The following NLK variants were observed in gnomAD, a reference collection of about 807,000 sequenced individuals.
The protein encoded by NLK is serine/threonine-protein kinase NLK.
NLK carries 11 observed loss-of-function variants against 59.0 expected under a neutral mutation model. The ratio of observed to expected loss-of-function variants is 0.19; its 90% CI spans 0.12 to 0.31. The LOEUF is 0.31. Among genes scored for constraint, NLK ranks in the 10% least tolerant of loss-of-function variants. The pLI is 1.00. For missense variants in NLK, 410 were observed against 661.1 expected, an observed-to-expected ratio of 0.62 and a Z score of 4.16; for synonymous variants, 235 against 235.9, an observed-to-expected ratio of 1.00 and a Z score of 0.03.
intron 1 of NLK, among the ~76,000 whole-genome samples, chr17:28,086,695 A>G (rs953031392): frequency 2.0e-5 from 3 of 151,982 alleles, no homozygotes; most frequent in Admixed American, 2.0e-4. Context: ...ACTCCAGCAT[A>G]AGTCAGTATA....
At chr17:28,187,778 A>T (rs1272343630) in intron 8 of NLK, among the ~76,000 whole-genome samples, 1 of 152,200 alleles carries the variant, frequency 6.6e-6, no homozygotes, top group Non-Finnish European at 1.5e-5. Flanking sequence ...GGATTATCAC[A>T]CTTAATTAAA....
At chr17:28,087,677 G>T (rs1439576972) in intron 1 of NLK, among the ~76,000 whole-genome samples, 2 of 151,900 alleles carry the variant, frequency 1.3e-5, no homozygotes, top group African/African-American at 4.9e-5. Flanking sequence ...CAGGGATTGG[G>T]CTTTGAATGT....
At chr17:28,185,609 T>C (rs918461008) in intron 8 of NLK, among the ~76,000 whole-genome samples, 1 of 152,132 alleles carries the variant, frequency 6.6e-6, no homozygotes, top group South Asian at 2.1e-4. Context: ...AGTGCAGAGG[T>C]GTGATCTCAG....
At chr17:28,173,617 C>G (rs746807069) in intron 7 of NLK, among the ~76,000 whole-genome samples, 6 of 152,126 alleles carry the variant, frequency 3.9e-5, no homozygotes, top group Non-Finnish European at 7.4e-5. Flanking sequence ...GTTAAATAGC[C>G]CTCTGATGGT....
chr17:28,198,400 C>T (rs1909538952), downstream of NLK, among the ~76,000 whole-genome samples: 1 of 152,142 alleles, frequency 6.6e-6, no homozygotes, highest in South Asian at 2.1e-4. Flanking sequence ...CTCGGCTCAC[C>T]ACAATCTCCG....
intron 6 of NLK, among the ~76,000 whole-genome samples, chr17:28,169,150 T>A (rs1013455910): frequency 6.6e-6 from 1 of 152,154 alleles, no homozygotes; most frequent in Non-Finnish European, 1.5e-5. Context: ...CCTCCCAAAG[T>A]GCTGGGATTA....
At chr17:28,140,424 T>A (rs574321896) in intron 3 of NLK, among the ~76,000 whole-genome samples, 37 of 152,302 alleles carry the variant, frequency 2.4e-4, no homozygotes, top group Admixed American at 2.3e-3. Flanking sequence ...AAATGATAAA[T>A]TTTGTGTGTA....
At chr17:28,157,887 G>A (rs1414450404) in intron 3 of NLK, among the ~76,000 whole-genome samples, 2 of 152,168 alleles carry the variant, frequency 1.3e-5, no homozygotes, top group South Asian at 2.1e-4. Context: ...TACCTAGCAG[G>A]TGCTCAATAT....
intron 4 of NLK, among the ~76,000 whole-genome samples, chr17:28,162,759 G>A (rs1375907396): frequency 6.6e-6 from 1 of 152,008 alleles, no homozygotes; most frequent in Non-Finnish European, 1.5e-5. Context: ...ATCCAAAAAA[G>A]ACTCAGCCCA....
At chr17:28,081,874 A>G (rs1425845715) in intron 1 of NLK, among the ~76,000 whole-genome samples, 1 of 152,032 alleles carries the variant, frequency 6.6e-6, no homozygotes, top group Non-Finnish European at 1.5e-5. Flanking sequence ...CCTCTCTGAA[A>G]TTCATGGATT....
rs560596861 is a variant in NLK at position 28,162,923 on chromosome 17, AAAAAAAAGAAAAG to A, written c.752-607_752-595del. ...TACAGAGCGAGACCCTGTCTCAAAA[AAAAAAAAGAAAAG>A]AAAAAAAGAAAAACGCACACAAAAA... On this transcript the variant is annotated intron_variant, in intron 4 of 10. Transcript: ENST00000407008. Among the ~76,000 whole-genome samples the A allele has an allele frequency of 9.0e-4, 137 of 152,022 alleles. 1 individual carries two copies. The highest frequency in any genetic ancestry group is 3.2e-3 in the African/African-American group (132 of 41,334).
intron 1 of NLK, among the ~76,000 whole-genome samples, chr17:28,067,005 A>G (rs1001960528): frequency 5.9e-5 from 9 of 152,148 alleles, no homozygotes; most frequent in African/African-American, 1.9e-4. Context: ...ATCCTCTTTC[A>G]GATACGTGAT....
the NLK span, among the ~76,000 whole-genome samples, chr17:28,201,932 C>T: frequency 6.6e-6 from 1 of 152,114 alleles, no homozygotes; most frequent in Non-Finnish European, 1.5e-5. Flanking sequence ...AGGAGAATCA[C>T]TTGAACCCAG....
intron 7 of NLK, among the ~76,000 whole-genome samples, chr17:28,176,738 T>C (rs1908695964): frequency 6.6e-6 from 1 of 152,232 alleles, no homozygotes; most frequent in Admixed American, 6.5e-5. Context: ...GTTAGTTATC[T>C]GCAACTACCA....
chr17:28,182,206 T>C (rs1007391398), intron 7 of NLK, among the ~76,000 whole-genome samples: 6 of 152,312 alleles, frequency 3.9e-5, no homozygotes, highest in South Asian at 2.1e-4. Flanking sequence ...AGAAAACTTA[T>C]ATATAATGAA....
intron 1 of NLK, among the ~76,000 whole-genome samples, chr17:28,108,175 G>C (rs561094232): frequency 6.6e-6 from 1 of 152,060 alleles, no homozygotes; most frequent in Non-Finnish European, 1.5e-5. Context: ...TTGTAGCCGA[G>C]ATCACATCAC....
chr17:28,179,872 GTTTTTT>G (rs34411493), intron 7 of NLK, among the ~76,000 whole-genome samples: 1 of 79,412 alleles, frequency 1.3e-5, no homozygotes, highest in Non-Finnish European at 2.4e-5. Flanking sequence ...AGCATTCTTG[GTTTTTT>G]TTTTTTTTTT....
At chr17:28,108,689 G>C (rs1905313568) in intron 1 of NLK, among the ~76,000 whole-genome samples, 1 of 152,150 alleles carries the variant, frequency 6.6e-6, no homozygotes, top group Non-Finnish European at 1.5e-5. Context: ...AAATTAGTTT[G>C]AATAAATGGA....
At chr17:28,188,369 T>C (rs1909194155) in intron 8 of NLK, among the ~76,000 whole-genome samples, 2 of 152,174 alleles carry the variant, frequency 1.3e-5, no homozygotes, top group Non-Finnish European at 2.9e-5. Context: ...ATATTAAGGA[T>C]TTTTTTTATT....
Sources: allele counts gnomAD v4.1 joint callset (sites outside exome capture counted in the v4.1 genomes callset), GRCh38; gene constraint gnomAD v4.1.1; transcripts MANE v1.5; gene names NCBI Gene and HGNC (gene_info 2026-07-23, HGNC 2026-07-21).